The following SERPINA6 variants were observed in gnomAD, a reference collection of about 807,000 sequenced individuals.
SERPINA6 encodes the protein serpin family A member 6.
SERPINA6 carries 19 observed loss-of-function variants against 26.4 expected under a neutral mutation model. That is an observed-to-expected ratio of 0.72 (90% CI 0.50 to 1.06). SERPINA6 has a LOEUF of 1.06. Among genes scored for constraint, SERPINA6 ranks in the 50% least tolerant of loss-of-function variants. The probability of loss-of-function intolerance (pLI) is 0.00; values close to 1 mark genes in which losing one functional copy is unlikely to be tolerated. For synonymous variants in SERPINA6, 196 were observed against 199.4 expected, an observed-to-expected ratio of 0.98 and a Z score of 0.14; for missense variants, 473 against 504.0, an observed-to-expected ratio of 0.94 and a Z score of 0.59.
intron 3 of SERPINA6, among the ~76,000 whole-genome samples, chr14:94,308,707 G>A (rs185333517): frequency 7.2e-5 from 11 of 152,328 alleles, no homozygotes; most frequent in South Asian, 2.1e-4. Context: ...GCAGGGCTGC[G>A]CACTTGCATG....
intron 2 of SERPINA6, among the ~76,000 whole-genome samples, chr14:94,311,630 A>G (rs1417712207): frequency 2.0e-5 from 3 of 152,134 alleles, no homozygotes; most frequent in Non-Finnish European, 2.9e-5. Flanking sequence ...AAAAACTGTC[A>G]AGAAAGTCCG....
intron 1 of SERPINA6, 62 bp from the exon 2 acceptor site, chr14:94,314,729 C>A (rs1895589263): frequency 6.6e-7 from 1 of 1,519,684 alleles, no homozygotes; most frequent in Non-Finnish European, 9.0e-7. Flanking sequence ...GGGCGTAGTG[C>A]AAGAGGAGGC....
intron 3 of SERPINA6, among the ~76,000 whole-genome samples, chr14:94,307,638 G>A (rs1322886219): frequency 6.6e-6 from 1 of 152,186 alleles, no homozygotes; most frequent in East Asian, 1.9e-4. Context: ...TTTCTTTGGT[G>A]GGTAGAAAGG....
chr14:94,304,513 T>C lies in SERPINA6; in HGVS notation c.1123A>G (p.Ile375Val), dbSNP rs1008745117. ...GVTLNLTSKP[I>V]ILRFNQPFII... is the part of the protein sequence containing the mutation. ...AAGGGCTGGTTGAAACGCAAGATGA[T>C]AGGCTTGGACGTCAGGTTTAGGGTG... Residue 375 changes from isoleucine to valine, a missense_variant, in exon 5 of 5, where the codon ATC (isoleucine) becomes GTC (valine). Ile to Val is a conservative substitution (Grantham distance 29, BLOSUM62 3). Coordinates refer to ENST00000341584, the MANE Select transcript of SERPINA6 (RefSeq NM_001756.4). The C allele has an allele frequency of 6.2e-7, 1 of 1,614,104 alleles. No individual in the cohort carries two copies.
At chr14:94,313,365 G>A (rs895663219) in intron 2 of SERPINA6, among the ~76,000 whole-genome samples, 10 of 152,232 alleles carry the variant, frequency 6.6e-5, no homozygotes, top group African/African-American at 2.4e-4. Context: ...GAGATGGGCA[G>A]CCTATTCTGG....
chr14:94,312,891 G>C (rs1351417635), intron 2 of SERPINA6, among the ~76,000 whole-genome samples: 1 of 152,194 alleles, frequency 6.6e-6, no homozygotes, highest in Non-Finnish European at 1.5e-5. Context: ...CATCTCCTCT[G>C]ATCTGATGAT....
intron 3 of SERPINA6, among the ~76,000 whole-genome samples, chr14:94,307,904 C>T (rs1895465569): frequency 6.6e-6 from 1 of 152,226 alleles, no homozygotes; most frequent in South Asian, 2.1e-4. Context: ...TCAAATAGAT[C>T]TCTGAAGGTA....
At chr14:94,308,548 C>T (rs1895476004) in intron 3 of SERPINA6, among the ~76,000 whole-genome samples, 1 of 151,238 alleles carries the variant, frequency 6.6e-6, no homozygotes, top group African/African-American at 2.5e-5. Context: ...CTCAGCATCC[C>T]CCCTGCTTCT....
intron 1 of SERPINA6, among the ~76,000 whole-genome samples, chr14:94,322,107 C>T (rs1021521622): frequency 9.9e-5 from 15 of 152,174 alleles, no homozygotes; most frequent in African/African-American, 3.6e-4. Context: ...CAGAGTAACT[C>T]CCCCTGAGCT....
In SERPINA6 at chr14:94,306,093, T is replaced by A. The variant is rs752343239; in HGVS notation, c.1010A>T (p.Asp337Val). 11 of 1,614,084 alleles carry A rather than the reference T, an allele frequency of 6.8e-6. No homozygotes were observed. The highest frequency in any genetic ancestry group is 1.3e-5 in the African/African-American group (1 of 74,926). Residue 337 changes from aspartate (D) to valine (V), a missense_variant, in exon 4 of 5, where the codon GAC (aspartate) becomes GTC (valine). Asp to Val is a radical substitution (Grantham distance 152). Coordinates refer to ENST00000341584, the MANE Select transcript of SERPINA6 (RefSeq NM_001756.4). ...TACCTTTGATGACTTCAGCTGGGCGTCCTGGGTGATGCGTGAGAAATTTGC... is the reference window on the plus strand; with the variant it reads ...TACCTTTGATGACTTCAGCTGGGCGACCTGGGTGATGCGTGAGAAATTTGC... The part of the protein sequence containing the change: ...NQANFSRITQ[D>V]AQLKSSKVVH...
chr14:94,322,739 C>T (rs1287988306), intron 1 of SERPINA6, among the ~76,000 whole-genome samples: 2 of 152,220 alleles, frequency 1.3e-5, no homozygotes, highest in Non-Finnish European at 2.9e-5. Context: ...ACAGTGCAGA[C>T]AGTTCTGTTC....
chr14:94,320,549 C>G (rs1304563438), intron 1 of SERPINA6, among the ~76,000 whole-genome samples: 1 of 152,134 alleles, frequency 6.6e-6, no homozygotes, highest in East Asian at 1.9e-4. Context: ...GTTTAGGGTG[C>G]TGTGTGATTC....
At chr14:94,319,295 T>C (rs1398537268) in intron 1 of SERPINA6, among the ~76,000 whole-genome samples, 1 of 152,168 alleles carries the variant, frequency 6.6e-6, no homozygotes, top group Non-Finnish European at 1.5e-5. Context: ...TAAAAAAATT[T>C]TTTTTTTAAT....
At position 94,314,385 on chromosome 14, in the gene SERPINA6, C is replaced by T. The variant is rs763816396; in HGVS notation, c.264G>A (p.Gln88=). The T allele has an allele frequency of 3.7e-6, 6 of 1,614,188 alleles. No individual in the cohort carries two copies. Among genetic ancestry groups the T allele is most frequent in the Admixed American group, 1.7e-5 (1 of 60,028 alleles). The change falls in exon 2 of 5, where the codon CAG becomes CAA. Residue 88 remains glutamine, a synonymous_variant. Transcript: ENST00000341584. ...SLGTCGHTRA[Q]LLQGLGFNLT... ...GGTTGAAACCCAGGCCCTGGAGAAG[C>T]TGGGCCCGTGTGTGGCCACAGGTGC... is the stretch of plus-strand genomic sequence containing the variant.
Position 94,309,730 on chromosome 14 carries a change from A to G in SERPINA6, c.884+6T>C, listed in dbSNP as rs370087940. On this transcript the variant is annotated splice_donor_region_variant and intron_variant, in intron 3 of 4. Transcript: ENST00000341584. The stretch of plus-strand genomic sequence containing the variant: ...CAGAAATCAACATGATGGCTGGAGG[A>G]CTTACCTGCTGGTCAGGCCTGCGGA... The G allele has an allele frequency of 4.0e-4, 641 of 1,613,776 alleles. 4 individuals carry two copies. The South Asian group carries it at 5.8e-3, about 15-fold the overall frequency.
chr14:94,305,363 T>C (rs1051022673), intron 4 of SERPINA6, among the ~76,000 whole-genome samples: 4 of 152,220 alleles, frequency 2.6e-5, no homozygotes, highest in Admixed American at 6.5e-5. Context: ...TGTTATTTAC[T>C]AGCTCTGTGA....
Position 94,304,564 on chromosome 14 carries a change from C to T in SERPINA6, c.1072G>A (p.Val358Met), listed in dbSNP as rs1167266764. The T allele has an allele frequency of 2.5e-6, 4 of 1,614,088 alleles. No homozygotes were observed. In the African/African-American group the frequency reaches 4.0e-5, roughly 16 times the overall value. The stretch of plus-strand genomic sequence containing the variant: ...ACCCCAGTGGAGCCAGCTGTGTCCA[C>T]ACCCTCCTCATTGAGTTGCAGCACA... ...KAVLQLNEEG[V>M]DTAGSTGVTL... is the part of the protein sequence containing the mutation. The change falls in exon 5 of 5, where the codon GTG (valine) becomes ATG (methionine). Residue 358 changes from valine to methionine, a missense_variant. Val to Met is a conservative substitution (Grantham distance 21). Transcript: ENST00000341584.
rs758471605 is a variant in SERPINA6 at position 94,314,571 on chromosome 14, G to A, written c.78C>T (p.Asn26=). The part of the protein sequence containing the change: ...GLWTVQAMDP[N]AAYVNMSNHH... ...GGTTACTCATGTTCACATAAGCAGC[G>A]TTAGGATCCATGGCCTGGACGGTCC... is the stretch of plus-strand genomic sequence containing the variant. The change falls in exon 2 of 5, where the codon AAC becomes AAT. Residue 26 remains asparagine, a synonymous_variant. Transcript: ENST00000341584. 40 of 1,614,114 alleles carry A rather than the reference G, an allele frequency of 2.5e-5. No homozygotes were observed. Among genetic ancestry groups the A allele is most frequent in the South Asian group, 5.5e-5 (5 of 91,088 alleles).
At chr14:94,310,880 G>A (rs1895519366) in intron 2 of SERPINA6, among the ~76,000 whole-genome samples, 1 of 152,144 alleles carries the variant, frequency 6.6e-6, no homozygotes. Context: ...CAGATCCCAG[G>A]TGTCCTGGCT....
Sources: allele counts gnomAD v4.1 joint callset (sites outside exome capture counted in the v4.1 genomes callset), GRCh38; gene constraint gnomAD v4.1.1; transcripts MANE v1.5; gene names NCBI Gene and HGNC (gene_info 2026-07-23, HGNC 2026-07-21).